The following TAFA1 variants were observed in gnomAD, a reference collection of about 807,000 sequenced individuals.
TAFA1 encodes chemokine-like protein TAFA-1.
A neutral mutation model predicts 18.5 loss-of-function variants in TAFA1; 4 were observed. The ratio of observed to expected loss-of-function variants is 0.22; its 90% CI spans 0.11 to 0.49. The LOEUF (loss-of-function observed/expected upper bound fraction) is 0.49. Among genes scored for constraint, TAFA1 ranks in the 20% least tolerant of loss-of-function variants. The pLI is 0.98. For missense variants in TAFA1, 147 were observed against 169.0 expected (o/e 0.87, Z 0.72); for synonymous variants, 56 against 55.2 (o/e 1.01, Z -0.06).
At chr3:68,166,054 G>T (rs1245345012) in intron 2 of TAFA1, among the ~76,000 whole-genome samples, 2 of 152,192 alleles carry the variant, frequency 1.3e-5, no homozygotes, top group African/African-American at 2.4e-5. Context: ...ACATAGCAAT[G>T]CCAGATAGAA....
At chr3:68,083,203 A>T (rs985294117) in intron 2 of TAFA1, among the ~76,000 whole-genome samples, 1 of 152,216 alleles carries the variant, frequency 6.6e-6, no homozygotes, top group Non-Finnish European at 1.5e-5. Flanking sequence ...GGCTCTATCC[A>T]GAAACAAAAT....
chr3:68,243,441 C>G (rs752239068), intron 2 of TAFA1, among the ~76,000 whole-genome samples: 3 of 152,076 alleles, frequency 2.0e-5, no homozygotes, highest in Non-Finnish European at 4.4e-5. Flanking sequence ...CTTCCTTAAG[C>G]TACCCCTTCA....
intron 2 of TAFA1, among the ~76,000 whole-genome samples, chr3:68,089,825 A>C (rs1446379864): frequency 6.6e-6 from 1 of 152,194 alleles, no homozygotes; most frequent in Admixed American, 6.5e-5. Context: ...GTTAGGAATA[A>C]AGGATAAAAT....
chr3:68,525,195 CACGA>C (rs1279433264), intron 3 of TAFA1, among the ~76,000 whole-genome samples: 2 of 152,142 alleles, frequency 1.3e-5, no homozygotes, highest in Admixed American at 1.3e-4. Context: ...CCATCACTGA[CACGA>C]ACAAAATGAA....
intron 2 of TAFA1, among the ~76,000 whole-genome samples, chr3:68,410,630 G>C (rs2070696293): frequency 7.4e-6 from 1 of 135,212 alleles, no homozygotes; most frequent in Admixed American, 8.5e-5. Context: ...TTAGATAATA[G>C]GTTACTTCAT....
At position 68,067,667 on chromosome 3, in the gene TAFA1, A is replaced by C. The variant is rs557942106; in HGVS notation, c.118+60923A>C. Among the ~76,000 whole-genome samples, 161 of 152,282 alleles carry C rather than the reference A, an allele frequency of 1.1e-3. 2 individuals are homozygous for C. The South Asian group carries it at 0.032, about 30-fold the overall frequency. On this transcript the variant is annotated intron_variant, in intron 2 of 4. Coordinates refer to ENST00000478136, the MANE Select transcript of TAFA1 (RefSeq NM_213609.4). ...GCATCCATTTTAACTGTAAATTGCT[A>C]AGCATTATGACCATCCGGTAGCCAA...
chr3:68,349,721 G>A (rs2069231225), intron 2 of TAFA1, among the ~76,000 whole-genome samples: 2 of 152,108 alleles, frequency 1.3e-5, no homozygotes, highest in South Asian at 2.1e-4. Flanking sequence ...GAATGGGGGT[G>A]TGGCTGTGTT....
At chr3:68,465,075 G>A (rs1014002849) in intron 3 of TAFA1, among the ~76,000 whole-genome samples, 5 of 152,058 alleles carry the variant, frequency 3.3e-5, no homozygotes, top group Non-Finnish European at 5.9e-5. Context: ...TGGCTTAGGC[G>A]TGGGCATGTG....
chr3:68,000,287 G>A (rs1313117372), upstream of TAFA1, among the ~76,000 whole-genome samples: 1 of 152,204 alleles, frequency 6.6e-6, no homozygotes, highest in African/African-American at 2.4e-5. Context: ...CATGGTGATT[G>A]TTATAAGGAG....
intron 2 of TAFA1, among the ~76,000 whole-genome samples, chr3:68,185,210 G>C (rs973068332): frequency 2.0e-5 from 3 of 152,138 alleles, no homozygotes; most frequent in Non-Finnish European, 4.4e-5. Context: ...ACCCTGGAAG[G>C]ATGAGTAGGA....
At chr3:68,432,710 T>C (rs901324823) in intron 3 of TAFA1, among the ~76,000 whole-genome samples, 2 of 151,984 alleles carry the variant, frequency 1.3e-5, no homozygotes, top group Non-Finnish European at 1.5e-5. Context: ...ACTGAGGACA[T>C]CTTCTAATCC....
chr3:68,410,001 G>C (rs994464865), intron 2 of TAFA1, among the ~76,000 whole-genome samples: 1 of 152,070 alleles, frequency 6.6e-6, no homozygotes, highest in Admixed American at 6.5e-5. Context: ...TTCCTCACTT[G>C]TACAGCTCAA....
chr3:68,192,409 A>C (rs1040075855), intron 2 of TAFA1: 14 of 180,058 alleles, frequency 7.8e-5, no homozygotes, highest in Non-Finnish European at 1.7e-4. Flanking sequence ...CCAGTGTGTT[A>C]CGAATGAAAA....
At chr3:68,326,657 A>T (rs2068782149) in intron 2 of TAFA1, among the ~76,000 whole-genome samples, 1 of 152,208 alleles carries the variant, frequency 6.6e-6, no homozygotes, top group South Asian at 2.1e-4. Flanking sequence ...TTTCACCATA[A>T]AATAAAAAGA....
intron 2 of TAFA1, among the ~76,000 whole-genome samples, chr3:68,042,255 G>T (rs1705180498): frequency 4.8e-5 from 1 of 20,696 alleles, no homozygotes; most frequent in Non-Finnish European, 1.7e-4. Context: ...AATTTCCCCA[G>T]TGTTTGAGAC....
At chr3:68,203,802 A>G (rs572117982) in intron 2 of TAFA1, among the ~76,000 whole-genome samples, 1 of 151,628 alleles carries the variant, frequency 6.6e-6, no homozygotes, top group Non-Finnish European at 1.5e-5. Context: ...TCCTAATGGT[A>G]TACTTGGTTA....
intron 2 of TAFA1, among the ~76,000 whole-genome samples, chr3:68,383,445 G>T (rs374829692): frequency 1.3e-5 from 2 of 152,034 alleles, no homozygotes; most frequent in Non-Finnish European, 2.9e-5. Flanking sequence ...AGATAATGTG[G>T]TTTTTGTCTT....
In TAFA1 at chr3:68,064,585, A is replaced by G. The variant is rs1002221742; in HGVS notation, c.118+57841A>G. On this transcript the variant is annotated intron_variant, in intron 2 of 4. Transcript: ENST00000478136. ...AAATTATGACCTAATTAACATTTGCACGGTAATCCGGACTTCCTACAGCTT... is the reference window on the plus strand; with the variant it reads ...AAATTATGACCTAATTAACATTTGCGCGGTAATCCGGACTTCCTACAGCTT... 3.9e-5 allele frequency among the ~76,000 whole-genome samples: 6 copies of G among 152,196 alleles called. 1 individual carries two copies. Among genetic ancestry groups the G allele is most frequent in the Admixed American group, 3.3e-4 (5 of 15,274 alleles).
intron 2 of TAFA1, among the ~76,000 whole-genome samples, chr3:68,389,170 G>A (rs894371623): frequency 7.9e-5 from 12 of 152,122 alleles, no homozygotes; most frequent in African/African-American, 2.9e-4. Flanking sequence ...TGCCTCGGGG[G>A]ACTTTGTATG....
Sources: allele counts gnomAD v4.1 joint callset (sites outside exome capture counted in the v4.1 genomes callset), GRCh38; gene constraint gnomAD v4.1.1; transcripts MANE v1.5; gene names NCBI Gene and HGNC (gene_info 2026-07-23, HGNC 2026-07-21).